Variants in GPR89B observed in about 807,000 individuals in gnomAD.
GPR89B encodes the protein golgi pH regulator B, also known as G protein-coupled receptor 89B.
Under a neutral mutation model 52.4 loss-of-function variants are expected in GPR89B, and 25 were observed. The observed-to-expected ratio is 0.48, with a 90% CI of 0.35 to 0.67. The LOEUF is 0.67. GPR89B is among the 30% of genes least tolerant of loss of function. The probability of loss-of-function intolerance (pLI) is 0.01; values close to 1 mark genes in which losing one functional copy is unlikely to be tolerated. For missense variants in GPR89B, 146 were observed against 450.2 expected, an observed-to-expected ratio of 0.32 and a Z score of 6.11; for synonymous variants, 52 against 151.2, an observed-to-expected ratio of 0.34 and a Z score of 4.81.
chr1:147,987,608 C>T (rs1293661518), intron 11 of GPR89B, among the ~76,000 whole-genome samples: 1 of 148,614 alleles, frequency 6.7e-6, no homozygotes, highest in Non-Finnish European at 1.5e-5. Context: ...AATGCTTTTG[C>T]TTTTCTGTAC....
the GPR89B span, chr1:148,009,340 C>T: frequency 6.2e-7 from 1 of 1,611,930 alleles, no homozygotes; most frequent in Non-Finnish European, 8.5e-7. Context: ...AAAAAATTCT[C>T]ACCTTGGACA....
At chr1:147,931,140 T>C (rs1553246956) in intron 1 of GPR89B, among the ~76,000 whole-genome samples, 1 of 152,042 alleles carries the variant, frequency 6.6e-6, no homozygotes, top group Non-Finnish European at 1.5e-5. Flanking sequence ...CTGGCACATA[T>C]TAGGCACTAA....
At chr1:147,991,272 T>C (rs1659046662) in intron 12 of GPR89B, among the ~76,000 whole-genome samples, 1 of 152,058 alleles carries the variant, frequency 6.6e-6, no homozygotes, top group Non-Finnish European at 1.5e-5. Context: ...TGTATAAGAA[T>C]GCTTGTGATT....
At chr1:148,009,508 G>T in the GPR89B span, 2 of 1,587,340 alleles carry the variant, frequency 1.3e-6, no homozygotes, top group Admixed American at 1.7e-5. Context: ...AAGTCCACCC[G>T]TGTTTTCACT....
the GPR89B span, among the ~76,000 whole-genome samples, chr1:148,013,835 G>A: frequency 9.2e-5 from 14 of 152,050 alleles, no homozygotes; most frequent in Admixed American, 5.9e-4. Flanking sequence ...CGGGCTGGGG[G>A]CCTTGCTGTC....
At chr1:147,981,318 G>GACACACACACACCCACACAC in intron 10 of GPR89B, among the ~76,000 whole-genome samples, 1 of 149,170 alleles carries the variant, frequency 6.7e-6, no homozygotes, top group South Asian at 2.1e-4. Flanking sequence ...CTCCCTCCCC[G>GACACACACACACCCACACAC]ACACACACAC....
At chr1:147,997,724 A>G (rs1571330738), downstream of GPR89B, among the ~76,000 whole-genome samples, 2 of 152,120 alleles carry the variant, frequency 1.3e-5, no homozygotes, top group East Asian at 3.8e-4. Context: ...GAATGTTAAT[A>G]TAACACTATT....
rs1659155147 is a variant in GPR89B, at chr1:147,992,698, AT to A, written c.1162-10del. The A allele has an allele frequency of 1.4e-6, 2 of 1,381,510 alleles. No individual in the cohort carries two copies. Among genetic ancestry groups the A allele is most frequent in the African/African-American group, 2.9e-5 (2 of 68,660 alleles). 85.6% of individuals were successfully genotyped at this position (1,381,510 alleles called of 1,614,324 possible). A position where few individuals can be genotyped will look rare whatever the true frequency, so the allele number is the denominator to read the frequency against. On this transcript the variant is annotated splice_polypyrimidine_tract_variant and intron_variant, in intron 13 of 13. Coordinates refer to ENST00000314163, the MANE Select transcript of GPR89B (RefSeq NM_016334.5). ...TTCAGAGTCACTTCTGGATTAATTC[AT>A]TTGACTTACAGGGCATGTACTTTGT...
chr1:147,968,807 T>C, intron 8 of GPR89B, 68 bp from the exon 9 acceptor site: 1 of 1,612,548 alleles, frequency 6.2e-7, no homozygotes, highest in South Asian at 1.1e-5. Flanking sequence ...ACTAAAAGTA[T>C]ATGCTTTCTC....
chr1:147,983,841 G>A (rs1402225725), intron 10 of GPR89B, among the ~76,000 whole-genome samples: 1 of 152,034 alleles, frequency 6.6e-6, no homozygotes, highest in Admixed American at 6.6e-5. Context: ...ATACCCAAAG[G>A]ACTATAAATC....
At chr1:147,969,094 AT>A in intron 9 of GPR89B, 131 bp downstream of exon 9, 1 of 670,778 alleles carries the variant, frequency 1.5e-6, no homozygotes, top group Non-Finnish European at 2.5e-6. Flanking sequence ...GCCATGAAGC[AT>A]TAGGGATAAG....
intron 5 of GPR89B, among the ~76,000 whole-genome samples, chr1:147,952,207 A>G (rs1225407816): frequency 4.6e-5 from 7 of 152,130 alleles, no homozygotes; most frequent in Non-Finnish European, 8.8e-5. Context: ...GAGACCATAC[A>G]TTTGTAATGG....
At chr1:148,004,379 A>G in the GPR89B span, among the ~76,000 whole-genome samples, 2 of 147,782 alleles carry the variant, frequency 1.4e-5, no homozygotes, top group Non-Finnish European at 3.0e-5. Flanking sequence ...GTTAGCCAGG[A>G]TGGTCTCGAT....
the GPR89B span, among the ~76,000 whole-genome samples, chr1:148,019,538 G>C: frequency 6.6e-6 from 1 of 151,804 alleles, no homozygotes; most frequent in Admixed American, 6.6e-5. Context: ...AGGTTTACCT[G>C]TGAGACAAAC....
At chr1:148,012,509 C>A in the GPR89B span, among the ~76,000 whole-genome samples, 1 of 149,944 alleles carries the variant, frequency 6.7e-6, no homozygotes, top group Non-Finnish European at 1.5e-5. Flanking sequence ...ACTCCCCCAC[C>A]CCCGCAGCCC....
In GPR89B at chr1:147,986,236, C is replaced by T. The variant is rs1470841095; in HGVS notation, c.947C>T (p.Thr316Met). 31 of 1,611,194 alleles carry T rather than the reference C, an allele frequency of 1.9e-5. No individual in the cohort carries two copies. Among genetic ancestry groups the T allele is most frequent in the East Asian group, 1.1e-4 (5 of 44,850 alleles). ...ATTGTTTTTGATCGAGTTGGGAAAACGGATCCTGTCACAAGAGGCATTGAG... is the reference window on the plus strand; with the variant it reads ...ATTGTTTTTGATCGAGTTGGGAAAATGGATCCTGTCACAAGAGGCATTGAG... ...INIVFDRVGK[T>M]DPVTRGIEIT... The change falls in exon 11 of 14, where the codon ACG becomes ATG. Residue 316 changes from threonine to methionine, a missense_variant. By Grantham distance (81) the Thr-to-Met change is moderately conservative. Coordinates refer to ENST00000314163, the MANE Select transcript of GPR89B (RefSeq NM_016334.5).
the GPR89B span, among the ~76,000 whole-genome samples, chr1:148,022,847 C>T: frequency 6.8e-6 from 1 of 147,636 alleles, no homozygotes; most frequent in African/African-American, 2.5e-5. Context: ...TTTGAGTTTC[C>T]TAAAGTGTAA....
At chr1:147,970,486 A>ACTCCCTCTCTCTCTCTCTCTCC (rs1657338525) in intron 10 of GPR89B, among the ~76,000 whole-genome samples, 1 of 107,218 alleles carries the variant, frequency 9.3e-6, no homozygotes, top group South Asian at 3.3e-4. Context: ...AGAGGGTGAG[A>ACTCCCTCTCTCTCTCTCTCTCC]CTCCATCTCT....
At chr1:147,965,491 A>T (rs1656962071) in intron 7 of GPR89B, among the ~76,000 whole-genome samples, 1 of 152,118 alleles carries the variant, frequency 6.6e-6, no homozygotes, top group African/African-American at 2.4e-5. Flanking sequence ...TAAACCCTTT[A>T]AATCAATTAT....
Sources: gnomAD v4.1 joint callset for allele counts (sites outside exome capture counted in the v4.1 genomes callset) on GRCh38, gnomAD v4.1.1 for gene constraint, MANE v1.5 for transcripts, NCBI Gene and HGNC (gene_info 2026-07-23, HGNC 2026-07-21) for gene names.